The following SSBP2 variants were observed in gnomAD, a reference collection of about 807,000 sequenced individuals.
The protein encoded by SSBP2 is single stranded DNA binding protein 2.
SSBP2 carries 17 observed loss-of-function variants against 61.8 expected under a neutral mutation model. The ratio of observed to expected loss-of-function variants is 0.28; its 90% CI spans 0.19 to 0.41. SSBP2 has a LOEUF of 0.41. SSBP2 is among the 10% of genes least tolerant of loss of function. SSBP2 has a pLI of 1.00. For missense variants in SSBP2, 310 were observed against 458.7 expected, an observed-to-expected ratio of 0.68 and a Z score of 2.96; for synonymous variants, 139 against 141.3, an observed-to-expected ratio of 0.98 and a Z score of 0.12.
intron 1 of SSBP2, among the ~76,000 whole-genome samples, chr5:81,728,430 A>G (rs1277819663): frequency 6.6e-6 from 1 of 152,202 alleles, no homozygotes; most frequent in Non-Finnish European, 1.5e-5. Flanking sequence ...AGTTCCTTCT[A>G]TAACAGAGTT....
chr5:81,642,624 A>G (rs1748890401), intron 2 of SSBP2, among the ~76,000 whole-genome samples: 1 of 152,226 alleles, frequency 6.6e-6, no homozygotes, highest in South Asian at 2.1e-4. Context: ...GAAATTTTAC[A>G]TATATGTAAC....
At chr5:81,594,327 C>T (rs1581121594) in intron 4 of SSBP2, among the ~76,000 whole-genome samples, 5 of 152,228 alleles carry the variant, frequency 3.3e-5, no homozygotes, top group Admixed American at 3.3e-4. Context: ...TACAGGAGCA[C>T]CCAGATTCAT....
chr5:81,450,093 C>T (rs1051167639), intron 10 of SSBP2, among the ~76,000 whole-genome samples: 1 of 152,090 alleles, frequency 6.6e-6, no homozygotes, highest in Non-Finnish European at 1.5e-5. Flanking sequence ...TGCAATGGGA[C>T]AAACAAGGCT....
In SSBP2 at chr5:81,487,913, TTTTC is replaced by T. The variant is rs1482805697; in HGVS notation, c.432+1333_432+1336del. 2.7e-5 allele frequency among the ~76,000 whole-genome samples: 4 copies of T among 149,734 alleles called. No individual in the cohort carries two copies. In the East Asian group the frequency reaches 5.9e-4, roughly 22 times the overall value. The stretch of plus-strand genomic sequence containing the variant: ...ACATATAAGTGAGATCATGCAATAT[TTTTC>T]TTTCTGTGTCTGACTTATTTCACTG... On this transcript the variant is annotated intron_variant, in intron 6 of 16. Transcript: ENST00000320672.
intron 4 of SSBP2, among the ~76,000 whole-genome samples, chr5:81,550,023 A>C (rs1476416857): frequency 6.6e-6 from 1 of 151,842 alleles, no homozygotes; most frequent in Non-Finnish European, 1.5e-5. Flanking sequence ...ACACTTTCCC[A>C]CCCTCCATCT....
intron 1 of SSBP2, among the ~76,000 whole-genome samples, chr5:81,741,462 T>C (rs899469876): frequency 1.5e-4 from 23 of 152,158 alleles, no homozygotes; most frequent in African/African-American, 5.6e-4. Context: ...ACTGTACAAC[T>C]AAAAGTGGTT....
intron 4 of SSBP2, among the ~76,000 whole-genome samples, chr5:81,583,743 T>C (rs991863589): frequency 6.6e-6 from 1 of 152,054 alleles, no homozygotes; most frequent in African/African-American, 2.4e-5. Flanking sequence ...TGGTGACATA[T>C]ATAGAAGCTA....
At position 81,729,780 on chromosome 5, in the gene SSBP2, T is replaced by G. The variant is rs369887109; in HGVS notation, c.62+21201A>C. 8.5e-5 allele frequency among the ~76,000 whole-genome samples: 13 copies of G among 152,266 alleles called. 1 individual carries two copies. The South Asian group carries it at 2.7e-3, about 32-fold the overall frequency. On this transcript the variant is annotated intron_variant, in intron 1 of 16. Transcript: ENST00000320672. ...ATTGAAAAGTAATTGTATACATTTA[T>G]GAGATACAATGTGGTATTTTCATAT...
At chr5:81,575,371 A>T (rs553987446) in intron 4 of SSBP2, among the ~76,000 whole-genome samples, 26 of 152,372 alleles carry the variant, frequency 1.7e-4, no homozygotes, top group Admixed American at 1.6e-3. Context: ...ATTAAAATAC[A>T]GAACAATAAC....
At chr5:81,457,526 G>C (rs1168576024) in intron 10 of SSBP2, among the ~76,000 whole-genome samples, 1 of 152,138 alleles carries the variant, frequency 6.6e-6, no homozygotes, top group Non-Finnish European at 1.5e-5. Flanking sequence ...AAGTTAATAA[G>C]TACAAGGGGA....
chr5:81,696,610 T>C (rs949817854), intron 1 of SSBP2, among the ~76,000 whole-genome samples: 1 of 152,204 alleles, frequency 6.6e-6, no homozygotes, highest in South Asian at 2.1e-4. Context: ...CAGTTGTTAG[T>C]TCTGGAGTTC....
intron 9 of SSBP2, among the ~76,000 whole-genome samples, chr5:81,464,089 G>A (rs1399207504): frequency 6.6e-6 from 1 of 151,944 alleles, no homozygotes; most frequent in Non-Finnish European, 1.5e-5. Flanking sequence ...TCTTTCTTCT[G>A]TAATTCACTA....
At chr5:81,608,842 C>A (rs1225708657) in intron 4 of SSBP2, among the ~76,000 whole-genome samples, 1 of 151,856 alleles carries the variant, frequency 6.6e-6, no homozygotes, top group East Asian at 1.9e-4. Flanking sequence ...AAGACGTTAC[C>A]TAAGGCATCC....
chr5:81,429,894 G>A (rs971102920), intron 15 of SSBP2, among the ~76,000 whole-genome samples: 1 of 152,102 alleles, frequency 6.6e-6, no homozygotes, highest in Non-Finnish European at 1.5e-5. Context: ...CTGAGAACAA[G>A]GATCCTCTGA....
intron 4 of SSBP2, among the ~76,000 whole-genome samples, chr5:81,554,982 C>T (rs982069238): frequency 4.1e-4 from 63 of 152,146 alleles, no homozygotes; most frequent in Non-Finnish European, 5.4e-4. Context: ...GTAGTGCCAC[C>T]GTGCAGATGT....
At chr5:81,426,053 AAT>A (rs1226558278) in intron 16 of SSBP2, among the ~76,000 whole-genome samples, 1 of 152,234 alleles carries the variant, frequency 6.6e-6, no homozygotes, top group East Asian at 1.9e-4. Context: ...TTTATTGAAC[AAT>A]GTTTTCTTTT....
intron 1 of SSBP2, among the ~76,000 whole-genome samples, chr5:81,692,192 A>G (rs1181845225): frequency 4.6e-5 from 7 of 152,218 alleles, no homozygotes; most frequent in Non-Finnish European, 1.0e-4. Flanking sequence ...TACAAAAATC[A>G]GAAGCATTTC....
intron 4 of SSBP2, among the ~76,000 whole-genome samples, chr5:81,545,026 G>A (rs1233566823): frequency 6.6e-6 from 1 of 152,168 alleles, no homozygotes; most frequent in East Asian, 1.9e-4. Context: ...CTCACTGACT[G>A]TACAAAGTAG....
chr5:81,560,920 T>C (rs1210454471), intron 4 of SSBP2, among the ~76,000 whole-genome samples: 3 of 152,172 alleles, frequency 2.0e-5, no homozygotes, highest in Non-Finnish European at 2.9e-5. Flanking sequence ...TTATTAATTA[T>C]AGTCATGTTT....
Sources: allele counts gnomAD v4.1 joint callset (sites outside exome capture counted in the v4.1 genomes callset), GRCh38; gene constraint gnomAD v4.1.1; transcripts MANE v1.5; gene names NCBI Gene and HGNC (gene_info 2026-07-23, HGNC 2026-07-21).